The following SWAP70 variants were observed in gnomAD, a reference collection of about 807,000 sequenced individuals.
SWAP70 encodes the protein switch-associated protein 70.
In SWAP70, 34 loss-of-function variants were observed where a neutral mutation model predicts 80.2. The observed-to-expected ratio is 0.42, with a 90% CI of 0.32 to 0.56. The LOEUF is 0.56. Among genes scored for constraint, SWAP70 ranks in the 20% least tolerant of loss-of-function variants. The pLI, the probability that SWAP70 is intolerant of heterozygous loss-of-function variation, is 0.09. For missense variants in SWAP70, 578 were observed against 690.7 expected (o/e 0.84, Z 1.83); for synonymous variants, 239 against 238.5 (o/e 1.00, Z -0.02).
In SWAP70 at chr11:9,729,280, T is replaced by A. The variant is rs115803391; in HGVS notation, c.790-63T>A. 9.3e-4 allele frequency: 940 copies of A among 1,007,438 alleles called. 5 individuals are homozygous for A. In the African/African-American group the frequency reaches 0.013, roughly 14 times the overall value. 62.4% of individuals were successfully genotyped at this position (1,007,438 alleles called of 1,614,324 possible). On this transcript the variant is annotated intron_variant, in intron 5 of 11. Coordinates refer to ENST00000318950, the MANE Select transcript of SWAP70 (RefSeq NM_015055.4). ...AGTTTCAGCTCATTTTTATAAATAA[T>A]TCAAATTGAATTTCATTTAAATACT...
At chr11:9,693,510 G>A (rs1468149406) in intron 1 of SWAP70, among the ~76,000 whole-genome samples, 1 of 152,070 alleles carries the variant, frequency 6.6e-6, no homozygotes, top group Non-Finnish European at 1.5e-5. Context: ...CCAGGCCCTT[G>A]ATTTCTTTCT....
At chr11:9,666,827 C>T (rs1850313112) in intron 1 of SWAP70, among the ~76,000 whole-genome samples, 1 of 149,938 alleles carries the variant, frequency 6.7e-6, no homozygotes, top group Non-Finnish European at 1.5e-5. Flanking sequence ...CGGGTTCAAG[C>T]GATTCTCCTG....
intron 7 of SWAP70, among the ~76,000 whole-genome samples, chr11:9,737,255 C>G (rs1851374591): frequency 6.6e-6 from 1 of 152,122 alleles, no homozygotes; most frequent in Non-Finnish European, 1.5e-5. Context: ...GGAGGGGAAC[C>G]CTTGTTTGGG....
intron 2 of SWAP70, 144 bp from the exon 3 acceptor site, chr11:9,713,322 A>G (rs1851023582): frequency 1.2e-6 from 1 of 827,058 alleles, no homozygotes; most frequent in Non-Finnish European, 1.8e-6. Context: ...TGTAATACCT[A>G]AAGCAAATAT....
At chr11:9,676,918 G>A (rs1481157367) in intron 1 of SWAP70, among the ~76,000 whole-genome samples, 2 of 152,064 alleles carry the variant, frequency 1.3e-5, no homozygotes, top group African/African-American at 4.8e-5. Flanking sequence ...CTCCCAAAGT[G>A]CTGGGATTAC....
intron 1 of SWAP70, among the ~76,000 whole-genome samples, chr11:9,676,648 G>GTT (rs776925174): frequency 4.3e-4 from 58 of 135,340 alleles, no homozygotes; most frequent in Non-Finnish European, 4.2e-4. Context: ...TATAGATGCA[G>GTT]TTTTTTTTTT....
intron 1 of SWAP70, among the ~76,000 whole-genome samples, chr11:9,678,252 T>C (rs1320158612): frequency 6.6e-6 from 1 of 152,170 alleles, no homozygotes; most frequent in Admixed American, 6.6e-5. Context: ...AGTGAGCCTA[T>C]TAAAGTGCTG....
At position 9,752,912 on chromosome 11, in the gene SWAP70, TA is replaced by T. The variant is rs1851609501; in HGVS notation, c.*2946del. 6.6e-6 allele frequency: 1 copy of T among 152,172 alleles called. No homozygotes were observed. The highest frequency in any genetic ancestry group is 1.5e-5 in the Non-Finnish European group (1 of 68,038). The allele number at this position is 152,172 out of a possible 1,614,324, so 9.4% of individuals were successfully genotyped here. A position where few individuals can be genotyped will look rare whatever the true frequency, so the allele number is the denominator to read the frequency against. ...AAAATGTTTTATATTTTTTTTTAAGTAAAATGGACCCAGTAAGAAAATTAAA... is the reference window on the plus strand; with the variant it reads ...AAAATGTTTTATATTTTTTTTTAAGTAAATGGACCCAGTAAGAAAATTAAA... On this transcript the variant is annotated 3_prime_UTR_variant, in exon 12 of 12. Coordinates refer to ENST00000318950, the MANE Select transcript of SWAP70 (RefSeq NM_015055.4).
chr11:9,724,644 C>T lies in SWAP70; in HGVS notation c.415-14C>T, dbSNP rs1371751079. On this transcript the variant is annotated splice_polypyrimidine_tract_variant and intron_variant, in intron 3 of 11. Coordinates refer to ENST00000318950, the MANE Select transcript of SWAP70 (RefSeq NM_015055.4). ...TTTTAACTAGGAAATAATTATTTCA[C>T]ATTCTTTATGTAGATTGAATACCTG... The T allele has an allele frequency of 6.4e-7, 1 of 1,563,954 alleles. No individual in the cohort carries two copies. The highest frequency in any genetic ancestry group is 1.4e-5 in the African/African-American group (1 of 72,812).
chr11:9,727,870 G>C (rs1851245898), intron 4 of SWAP70, among the ~76,000 whole-genome samples, 183 bp from the exon 5 acceptor site: 1 of 152,220 alleles, frequency 6.6e-6, no homozygotes, highest in African/African-American at 2.4e-5. Flanking sequence ...ATTTTTGTCT[G>C]GTTATGCTTG....
chr11:9,668,088 C>T (rs1850330661), intron 1 of SWAP70, among the ~76,000 whole-genome samples: 1 of 152,092 alleles, frequency 6.6e-6, no homozygotes, highest in South Asian at 2.1e-4. Flanking sequence ...GGGGTTTCAC[C>T]ATGTTGGCTG....
Position 9,751,093 on chromosome 11 carries a change from ATAAT to A in SWAP70, c.*1127_*1130del, listed in dbSNP as rs1851583800. The stretch of plus-strand genomic sequence containing the variant: ...CTAATTTGAAATAAAAATTATTTGT[ATAAT>A]TAAGAAAGCAGATTAGATGCACATG... On this transcript the variant is annotated 3_prime_UTR_variant, in exon 12 of 12. Transcript: ENST00000318950. 2 of 152,252 alleles carry A rather than the reference ATAAT, an allele frequency of 1.3e-5. No individual in the cohort carries two copies. The highest frequency in any genetic ancestry group is 1.5e-5 in the Non-Finnish European group (1 of 68,040). The allele number at this position is 152,252 out of a possible 1,614,324, so 9.4% of individuals were successfully genotyped here.
At chr11:9,729,122 A>C (rs1851262672) in intron 5 of SWAP70, among the ~76,000 whole-genome samples, 1 of 152,196 alleles carries the variant, frequency 6.6e-6, no homozygotes, top group South Asian at 2.1e-4. Context: ...ATGGCATCCT[A>C]TCAGGTGTTT....
intron 1 of SWAP70, among the ~76,000 whole-genome samples, chr11:9,671,489 A>AAT (rs1192836921): frequency 3.5e-5 from 3 of 85,968 alleles, no homozygotes; most frequent in African/African-American, 4.8e-5. Context: ...TATATTTATA[A>AAT]ATATATATAT....
intron 1 of SWAP70, among the ~76,000 whole-genome samples, chr11:9,687,988 G>A (rs1226138198): frequency 1.3e-5 from 2 of 152,204 alleles, no homozygotes; most frequent in Non-Finnish European, 2.9e-5. Flanking sequence ...TTCCAGCACA[G>A]GGCATCACTG....
chr11:9,677,838 T>C (rs918279884), intron 1 of SWAP70, among the ~76,000 whole-genome samples: 4 of 152,170 alleles, frequency 2.6e-5, no homozygotes, highest in African/African-American at 9.7e-5. Context: ...ACAACATGGA[T>C]AGTTTAAATC....
At chr11:9,704,546 C>T (rs2572937) in intron 2 of SWAP70, among the ~76,000 whole-genome samples, 15,472 of 152,008 alleles carry the variant, frequency 0.1, 1,526 homozygotes, top group African/African-American at 0.25. Flanking sequence ...AGGTGCGAGC[C>T]ACCACGCCTG....
intron 7 of SWAP70, among the ~76,000 whole-genome samples, chr11:9,734,660 G>C (rs1318450293): frequency 6.6e-6 from 1 of 152,134 alleles, no homozygotes; most frequent in African/African-American, 2.4e-5. Flanking sequence ...TTTATTTTGA[G>C]ACAGGGTCCC....
At chr11:9,715,673 C>T (rs1437749824) in intron 3 of SWAP70, among the ~76,000 whole-genome samples, 1 of 151,916 alleles carries the variant, frequency 6.6e-6, no homozygotes, top group Non-Finnish European at 1.5e-5. Flanking sequence ...GGGAAACTCT[C>T]CTTTATAAAG....
Sources: gnomAD v4.1 joint callset for allele counts (sites outside exome capture counted in the v4.1 genomes callset) on GRCh38, gnomAD v4.1.1 for gene constraint, MANE v1.5 for transcripts, NCBI Gene and HGNC (gene_info 2026-07-23, HGNC 2026-07-21) for gene names.